Variants in FNIP1 observed in about 807,000 individuals in gnomAD.
FNIP1 encodes folliculin-interacting protein 1.
A neutral mutation model predicts 124.5 loss-of-function variants in FNIP1; 40 were observed. The observed-to-expected ratio is 0.32, with a 90% CI of 0.25 to 0.42. FNIP1 has a LOEUF of 0.42. Ranked by LOEUF, FNIP1 falls within the 10% of genes least tolerant of loss-of-function variation. FNIP1 has a pLI of 1.00. For synonymous variants in FNIP1, 472 were observed against 470.6 expected (o/e 1.00, Z -0.04); for missense variants, 1,176 against 1,403.7 (o/e 0.84, Z 2.59).
At chr5:131,676,304 C>T (rs1016862015) in intron 13 of FNIP1, among the ~76,000 whole-genome samples, 10 of 152,120 alleles carry the variant, frequency 6.6e-5, no homozygotes, top group Non-Finnish European at 1.5e-4. Context: ...TGAGCCACTG[C>T]ACCCAGCCAT....
rs1772121814 is a variant in FNIP1, at chr5:131,785,013, TATATGATATATATGAC to T, written c.92+11801_92+11816del. Among the ~76,000 whole-genome samples, 5 of 14,214 alleles carry T rather than the reference TATATGATATATATGAC, an allele frequency of 3.5e-4. No homozygotes were observed. In the South Asian group the frequency reaches 6.0e-3, roughly 17 times the overall value. 9.3% of individuals were successfully genotyped at this position (14,214 alleles called of 152,430 possible). On this transcript the variant is annotated intron_variant, in intron 1 of 17. Transcript: ENST00000510461. The stretch of plus-strand genomic sequence containing the variant: ...TATATATATGATATATATGACTATA[TATATGATATATATGAC>T]ATATATATGATATATATGACTATAT...
chr5:131,701,085 CG>C (rs1561662777), intron 10 of FNIP1, among the ~76,000 whole-genome samples: 1 of 152,146 alleles, frequency 6.6e-6, no homozygotes. Context: ...ACTGCCTGAG[CG>C]CTACCTCCTG....
intron 13 of FNIP1, among the ~76,000 whole-genome samples, chr5:131,675,130 G>C (rs1389361345): frequency 6.6e-6 from 1 of 152,142 alleles, no homozygotes; most frequent in Non-Finnish European, 1.5e-5. Context: ...AGTTAAACTG[G>C]ACCACTGAAT....
chr5:131,775,698 TTG>T, intron 1 of FNIP1, among the ~76,000 whole-genome samples: 1 of 152,008 alleles, frequency 6.6e-6, no homozygotes, highest in East Asian at 1.9e-4. Context: ...CGGCTAATTT[TTG>T]TATTTTTAGT....
chr5:131,687,363 C>T (rs1336299460), intron 11 of FNIP1, among the ~76,000 whole-genome samples: 1 of 152,202 alleles, frequency 6.6e-6, no homozygotes, highest in South Asian at 2.1e-4. Context: ...ACCTTGGCCT[C>T]ACAAAGTGCT....
intron 16 of FNIP1, among the ~76,000 whole-genome samples, chr5:131,650,308 C>A (rs1280605710): frequency 6.6e-6 from 1 of 151,988 alleles, no homozygotes; most frequent in African/African-American, 2.4e-5. Flanking sequence ...TGTTTTATAC[C>A]TTATAGTGTA....
At chr5:131,644,794 T>G in intron 17 of FNIP1, 31 bp from the exon 18 acceptor site, 1 of 1,604,034 alleles carries the variant, frequency 6.2e-7, no homozygotes, top group Non-Finnish European at 8.5e-7. Flanking sequence ...ATGTCAGTTT[T>G]GATTTTCTGT....
intron 1 of FNIP1, among the ~76,000 whole-genome samples, chr5:131,783,716 G>T (rs903221346): frequency 1.3e-5 from 2 of 152,110 alleles, no homozygotes; most frequent in Non-Finnish European, 2.9e-5. Flanking sequence ...CTTCTTGGGG[G>T]TCAGTTATGG....
intron 11 of FNIP1, among the ~76,000 whole-genome samples, chr5:131,681,661 A>G (rs1257810797): frequency 1.7e-5 from 1 of 57,702 alleles, no homozygotes; most frequent in Non-Finnish European, 4.1e-5. Flanking sequence ...ATTTGCTGAA[A>G]TGAAAAAAGC....
chr5:131,661,821 G>C (rs890076557), intron 15 of FNIP1, among the ~76,000 whole-genome samples: 8 of 152,142 alleles, frequency 5.3e-5, no homozygotes, highest in African/African-American at 1.9e-4. Context: ...CTCTCTCTCT[G>C]TGCAAATTAG....
At chr5:131,701,598 G>T (rs1768901155) in intron 10 of FNIP1, among the ~76,000 whole-genome samples, 1 of 152,118 alleles carries the variant, frequency 6.6e-6, no homozygotes, top group South Asian at 2.1e-4. Flanking sequence ...TTTATTTTTT[G>T]ACATACTCAA....
chr5:131,739,824 A>C (rs894502789), intron 2 of FNIP1, among the ~76,000 whole-genome samples: 223 of 151,476 alleles, frequency 1.5e-3, no homozygotes, highest in African/African-American at 4.9e-3. Flanking sequence ...AAAAAAAAAA[A>C]AAAAAAAAAA....
In FNIP1 at chr5:131,765,227, G is replaced by GAA. The variant is rs574824131; in HGVS notation, c.93-20539_93-20538dup. Among the ~76,000 whole-genome samples the GAA allele has an allele frequency of 6.1e-5, 9 of 147,156 alleles. No homozygotes were observed. The East Asian group carries it at 1.8e-3, about 29-fold the overall frequency. On this transcript the variant is annotated intron_variant, in intron 1 of 17. Coordinates refer to ENST00000510461, the MANE Select transcript of FNIP1 (RefSeq NM_133372.3). The stretch of plus-strand genomic sequence containing the variant: ...ACAGAGGGAGACCTTGTCTGCGGGG[G>GAA]AAAAAAAAAAGCATCATGAAAACTT...
rs112824775 is a variant in FNIP1 at position 131,717,359 on chromosome 5, C to T, written c.531-703G>A. 9.9e-3 allele frequency among the ~76,000 whole-genome samples: 1,507 copies of T among 152,174 alleles called. 26 individuals are homozygous for T. The highest frequency in any genetic ancestry group is 0.033 in the African/African-American group (1,373 of 41,496). ...TGCATAGTAGTCCATGGTGTATATG[C>T]GCCACATTTTCTTAATCCAGTCTAT... On this transcript the variant is annotated intron_variant, in intron 5 of 17. Transcript: ENST00000510461.
At chr5:131,772,703 C>T (rs1214116497) in intron 1 of FNIP1, among the ~76,000 whole-genome samples, 1 of 152,164 alleles carries the variant, frequency 6.6e-6, no homozygotes, top group African/African-American at 2.4e-5. Flanking sequence ...TCCTTCACAT[C>T]CCATATTCAG....
intron 13 of FNIP1, among the ~76,000 whole-genome samples, chr5:131,676,565 C>T (rs60238900): frequency 0.1 from 15,516 of 152,036 alleles, 1,844 homozygotes; most frequent in African/African-American, 0.29. Context: ...TGAGACCAGC[C>T]TGGGGGAACA....
intron 11 of FNIP1, among the ~76,000 whole-genome samples, chr5:131,692,908 T>C (rs1768528538): frequency 6.6e-6 from 1 of 151,628 alleles, no homozygotes. Flanking sequence ...CTTGGGAAGA[T>C]GGGGCATGAG....
chr5:131,759,134 A>C (rs970357261), intron 1 of FNIP1, among the ~76,000 whole-genome samples: 5 of 152,178 alleles, frequency 3.3e-5, no homozygotes, highest in African/African-American at 1.2e-4. Flanking sequence ...GTAAGATCTC[A>C]AACTTTAAAA....
chr5:131,656,283 T>C (rs1019573339), intron 15 of FNIP1, among the ~76,000 whole-genome samples: 12 of 152,318 alleles, frequency 7.9e-5, no homozygotes, highest in African/African-American at 2.6e-4. Context: ...GGACCATAGA[T>C]TAAGTAGCTG....
Sources: allele counts gnomAD v4.1 joint callset (sites outside exome capture counted in the v4.1 genomes callset), GRCh38; gene constraint gnomAD v4.1.1; transcripts MANE v1.5; gene names NCBI Gene and HGNC (gene_info 2026-07-23, HGNC 2026-07-21).